INPP4B: variants seen among roughly 807,000 people sequenced by gnomAD.
INPP4B encodes inositol polyphosphate 4-phosphatase type II.
In INPP4B, 55 loss-of-function variants were observed where a neutral mutation model predicts 122.5. The observed-to-expected ratio is 0.45, with a 90% CI of 0.36 to 0.56. The LOEUF is 0.56. Ranked by LOEUF, INPP4B falls within the 20% of genes least tolerant of loss-of-function variation. INPP4B has a pLI of 0.00. For missense variants in INPP4B, 1,000 were observed against 1,097.7 expected (o/e 0.91, Z 1.26); for synonymous variants, 403 against 388.7 (o/e 1.04, Z -0.43).
intron 7 of INPP4B, among the ~76,000 whole-genome samples, chr4:142,328,123 GCTAA>G (rs75713658): frequency 0.089 from 13,561 of 152,166 alleles, 719 homozygotes; most frequent in Non-Finnish European, 0.12. Context: ...CCACTGCATG[GCTAA>G]CTCAGTGTTG....
At chr4:142,824,038 G>T (rs1313156852) in intron 1 of INPP4B, among the ~76,000 whole-genome samples, 1 of 152,082 alleles carries the variant, frequency 6.6e-6, no homozygotes, top group African/African-American at 2.4e-5. Flanking sequence ...CATTCTTTCT[G>T]CTTGAGCTGG....
In INPP4B at chr4:142,208,941, C is replaced by G. The variant is rs140724729; in HGVS notation, c.922G>C (p.Val308Leu). ...KNVLTHCDQM[V>L]NMYQDILTEL... ...GTCAGAATGTCTTGGTACATATTCA[C>G]CATTTGATCACAGTGAGTAAGGACA... The change falls in exon 13 of 26, where the codon GTG becomes CTG. Residue 308 changes from valine to leucine, a missense_variant. By Grantham distance (32) the Val-to-Leu change is conservative (BLOSUM62 1). Coordinates refer to ENST00000262992, the MANE Select transcript of INPP4B (RefSeq NM_001101669.3). The G allele has an allele frequency of 1.2e-6, 2 of 1,602,668 alleles. No homozygotes were observed. Among genetic ancestry groups the G allele is most frequent in the South Asian group, 2.2e-5 (2 of 89,176 alleles).
chr4:142,283,555 A>AT (rs1752171926), intron 9 of INPP4B, among the ~76,000 whole-genome samples: 1 of 152,134 alleles, frequency 6.6e-6, no homozygotes, highest in Non-Finnish European at 1.5e-5. Context: ...CACCTAGGCT[A>AT]TATGGGATAG....
intron 2 of INPP4B, 159 bp from the exon 3 acceptor site, chr4:142,462,885 T>G (rs1264585980): frequency 6.6e-6 from 1 of 152,246 alleles, no homozygotes; most frequent in Non-Finnish European, 1.5e-5. Context: ...TAGCTATTTC[T>G]TATTTCTATC....
chr4:142,356,525 G>T (rs1783666575), intron 7 of INPP4B, among the ~76,000 whole-genome samples: 1 of 151,852 alleles, frequency 6.6e-6, no homozygotes, highest in African/African-American at 2.4e-5. Context: ...GAGTGATGAG[G>T]AGCTGGGAGG....
Position 142,150,336 on chromosome 4 carries a change from C to A in INPP4B, c.1564-4340G>T, listed in dbSNP as rs906141470. Among the ~76,000 whole-genome samples the A allele has an allele frequency of 2.6e-5, 4 of 152,266 alleles. No individual in the cohort carries two copies. The South Asian group carries it at 8.3e-4, about 32-fold the overall frequency. On this transcript the variant is annotated intron_variant, in intron 17 of 25. Coordinates refer to ENST00000262992, the MANE Select transcript of INPP4B (RefSeq NM_001101669.3). The stretch of plus-strand genomic sequence containing the variant: ...CCTCCAGATCCTGCTTAGCTCCCTG[C>A]CACATGAGAGGATTAAAAACAACCA...
intron 2 of INPP4B, among the ~76,000 whole-genome samples, chr4:142,530,578 T>TATATATATATATATAC (rs1491512256): frequency 9.1e-6 from 1 of 109,584 alleles, no homozygotes; most frequent in African/African-American, 3.2e-5. Context: ...TATATATATA[T>TATATATATATATATAC]ACACACACAC....
At chr4:142,402,534 T>C (rs1487277912) in intron 7 of INPP4B, among the ~76,000 whole-genome samples, 1 of 152,204 alleles carries the variant, frequency 6.6e-6, no homozygotes, top group Non-Finnish European at 1.5e-5. Context: ...TCAGTTTCTC[T>C]CTATACGGTA....
chr4:142,779,945 G>C (rs1774551139), intron 1 of INPP4B, among the ~76,000 whole-genome samples: 1 of 152,102 alleles, frequency 6.6e-6, no homozygotes, highest in Non-Finnish European at 1.5e-5. Context: ...AAGGGAACCA[G>C]AGACTAAACT....
intron 1 of INPP4B, among the ~76,000 whole-genome samples, chr4:142,809,679 G>T (rs1779261222): frequency 6.6e-6 from 1 of 152,130 alleles, no homozygotes; most frequent in Non-Finnish European, 1.5e-5. Flanking sequence ...CCTAGAATAT[G>T]TATCAGAGCT....
chr4:142,097,881 C>T (rs1348474001), intron 23 of INPP4B, among the ~76,000 whole-genome samples: 1 of 152,036 alleles, frequency 6.6e-6, no homozygotes, highest in Non-Finnish European at 1.5e-5. Context: ...CAACTTATAC[C>T]ATGCATTCAA....
chr4:142,268,725 T>C (rs1390680503), intron 10 of INPP4B, among the ~76,000 whole-genome samples: 2 of 152,198 alleles, frequency 1.3e-5, no homozygotes, highest in African/African-American at 4.8e-5. Context: ...ACCTGGATGA[T>C]ATTATGCTAA....
At chr4:142,544,201 T>C (rs1829289408) in intron 2 of INPP4B, among the ~76,000 whole-genome samples, 1 of 150,600 alleles carries the variant, frequency 6.6e-6, no homozygotes, top group African/African-American at 2.4e-5. Flanking sequence ...CTGTAAAGTC[T>C]ACAGGATAAG....
At chr4:142,123,526 A>G in intron 19 of INPP4B, 111 bp from the exon 20 acceptor site, 1 of 985,326 alleles carries the variant, frequency 1.0e-6, no homozygotes, top group East Asian at 2.6e-5. Context: ...AGGTATGTAT[A>G]ACAAAACTAC....
chr4:142,489,960 T>G (rs536696340), intron 2 of INPP4B, among the ~76,000 whole-genome samples: 4 of 152,186 alleles, frequency 2.6e-5, no homozygotes, highest in Non-Finnish European at 5.9e-5. Flanking sequence ...TGTTTGCATG[T>G]TATGTATTTT....
At chr4:142,032,217 A>G (rs145042136) in intron 25 of INPP4B, among the ~76,000 whole-genome samples, 22 of 152,250 alleles carry the variant, frequency 1.4e-4, no homozygotes, top group African/African-American at 4.8e-4. Flanking sequence ...GCATGAAGGA[A>G]TACTGAGAGG....
intron 25 of INPP4B, 176 bp from the exon 26 acceptor site, chr4:142,029,090 C>A: frequency 7.3e-7 from 1 of 1,363,210 alleles, no homozygotes; most frequent in South Asian, 1.9e-5. Context: ...AGGCCAGGCC[C>A]AATACCATTA....
intron 9 of INPP4B, among the ~76,000 whole-genome samples, chr4:142,301,201 T>C (rs937717746): frequency 2.0e-5 from 3 of 152,310 alleles, no homozygotes; most frequent in Admixed American, 6.5e-5. Flanking sequence ...AAATGAAGTC[T>C]TGGTGCTAGC....
intron 12 of INPP4B, among the ~76,000 whole-genome samples, chr4:142,234,127 T>A (rs1255067805): frequency 2.0e-5 from 3 of 152,156 alleles, no homozygotes; most frequent in African/African-American, 7.2e-5. Flanking sequence ...TTAATGCTTT[T>A]TATCAAGTTT....
Sources: allele counts gnomAD v4.1 joint callset (sites outside exome capture counted in the v4.1 genomes callset), GRCh38; gene constraint gnomAD v4.1.1; transcripts MANE v1.5; gene names NCBI Gene and HGNC (gene_info 2026-07-23, HGNC 2026-07-21).